Variants in ITGB6 observed in about 807,000 individuals in gnomAD.
The protein encoded by ITGB6 is integrin subunit beta 6.
A neutral mutation model predicts 84.5 loss-of-function variants in ITGB6; 80 were observed. The ratio of observed to expected loss-of-function variants is 0.95; its 90% confidence interval spans 0.79 to 1.14. The LOEUF (loss-of-function observed/expected upper bound fraction) is 1.14, where lower values mean the gene tolerates loss of function less well. Among genes scored for constraint, ITGB6 ranks in the 50% most tolerant of loss-of-function variants. The pLI, the probability that ITGB6 is intolerant of heterozygous loss-of-function variation, is 0.00. For missense variants in ITGB6, 1,006 were observed against 968.0 expected, an observed-to-expected ratio of 1.04 and a Z score of -0.52; for synonymous variants, 383 against 354.9, an observed-to-expected ratio of 1.08 and a Z score of -0.89.
chr2:160,190,056 A>C (rs56659406), intron 4 of ITGB6, among the ~76,000 whole-genome samples: 3 of 152,038 alleles, frequency 2.0e-5, no homozygotes, highest in Non-Finnish European at 4.4e-5. Flanking sequence ...CCTTTGTAGG[A>C]ACATGAATGA....
In ITGB6 at chr2:160,101,837, G is replaced by T; in HGVS notation, c.2269-3C>A. 7.9e-7 allele frequency: 1 copy of T among 1,269,266 alleles called. No individual in the cohort carries two copies. The highest frequency in any genetic ancestry group is 1.9e-4 in the Middle Eastern group (1 of 5,262). The allele number at this position is 1,269,266 out of a possible 1,614,324, so 78.6% of individuals were successfully genotyped here. A position where few individuals can be genotyped will look rare whatever the true frequency, so the allele number is the denominator to read the frequency against. On this transcript the variant is annotated splice_polypyrimidine_tract_variant and splice_region_variant and intron_variant, in intron 14 of 14. Coordinates refer to ENST00000283249, the MANE Select transcript of ITGB6 (RefSeq NM_000888.5). ...CCTCTGTAGAGTGGATTGGTTCCCT[G>T]GAAAAAAAAAAAAGATTCAAGTGAA...
intron 12 of ITGB6, among the ~76,000 whole-genome samples, chr2:160,116,939 G>A (rs970110809): frequency 6.6e-6 from 1 of 151,144 alleles, no homozygotes; most frequent in African/African-American, 2.4e-5. Context: ...AATGGTAAAG[G>A]GATCAATTCA....
intron 7 of ITGB6, among the ~76,000 whole-genome samples, chr2:160,151,153 C>T (rs898991657): frequency 2.0e-5 from 3 of 152,154 alleles, no homozygotes; most frequent in African/African-American, 7.2e-5. Context: ...TTCTTCTCAG[C>T]ACCACATTGC....
intron 6 of ITGB6, among the ~76,000 whole-genome samples, chr2:160,170,477 G>T (rs745734237): frequency 3.9e-5 from 6 of 152,136 alleles, no homozygotes; most frequent in Non-Finnish European, 8.8e-5. Flanking sequence ...AATCCCTCCA[G>T]TGCCAGTCCC....
chr2:160,151,283 T>C (rs1684406249), intron 7 of ITGB6, among the ~76,000 whole-genome samples: 2 of 152,296 alleles, frequency 1.3e-5, no homozygotes, highest in African/African-American at 4.8e-5. Context: ...AACTCAGGAT[T>C]AAGAAACTCA....
At chr2:160,146,863 G>A (rs2105831617) in intron 7 of ITGB6, among the ~76,000 whole-genome samples, 1 of 152,290 alleles carries the variant, frequency 6.6e-6, no homozygotes, top group Middle Eastern at 3.4e-3. Context: ...CACTTTGGGA[G>A]GCTGAGGTGG....
At chr2:160,132,057 G>A (rs1412515832) in intron 10 of ITGB6, among the ~76,000 whole-genome samples, 1 of 152,102 alleles carries the variant, frequency 6.6e-6, no homozygotes, top group Non-Finnish European at 1.5e-5. Context: ...TTTTTGAAAG[G>A]TAATTTCAAG....
Position 160,169,238 on chromosome 2 carries a change from T to C in ITGB6, c.991A>G (p.Thr331Ala). The C allele has an allele frequency of 1.2e-6, 2 of 1,604,110 alleles. No individual in the cohort carries two copies. Among genetic ancestry groups the C allele is most frequent in the Non-Finnish European group, 1.7e-6 (2 of 1,176,042 alleles). ...TCATATAAATGAACTTGTTCTTGGG[T>C]TACAGCGAAGATCAATAACACGTTG... ...QNNVLLIFAVTQEQVHLYENY... is the reference protein window; with the variant it reads ...QNNVLLIFAVAQEQVHLYENY... The change falls in exon 7 of 15, where the codon ACC becomes GCC. Residue 331 changes from threonine to alanine, a missense_variant. Thr to Ala is a moderately conservative substitution (Grantham distance 58). Coordinates refer to ENST00000283249, the MANE Select transcript of ITGB6 (RefSeq NM_000888.5).
intron 7 of ITGB6, among the ~76,000 whole-genome samples, chr2:160,161,879 A>G (rs1422239108): frequency 2.0e-5 from 3 of 152,204 alleles, no homozygotes; most frequent in Non-Finnish European, 4.4e-5. Flanking sequence ...TGACCCAAGG[A>G]TTTCACTTCT....
At chr2:160,195,271 G>T in intron 4 of ITGB6, 98 bp downstream of exon 4, 1 of 1,467,712 alleles carries the variant, frequency 6.8e-7, no homozygotes, top group Non-Finnish European at 9.4e-7. Flanking sequence ...AGGCAGAAAT[G>T]CCAGGGAGTT....
chr2:160,174,112 T>C lies in ITGB6; in HGVS notation c.621A>G (p.Thr207=). 6.2e-7 allele frequency: 1 copy of C among 1,610,704 alleles called. No homozygotes were observed. Reference sequence around the variant, plus strand: ...ATGGCAAAATGTGCTTGAATCCAAATGTAGGTAAACAGAAGTATGGAATAC... The same window carrying C: ...ATGGCAAAATGTGCTTGAATCCAAACGTAGGTAAACAGAAGTATGGAATAC... The part of the protein sequence containing the change: ...CSSIPYFCLP[T]FGFKHILPLT... Residue 207 remains threonine (T), a synonymous_variant, in exon 5 of 15, where the codon ACA becomes ACG. Coordinates refer to ENST00000283249, the MANE Select transcript of ITGB6 (RefSeq NM_000888.5).
At chr2:160,119,355 A>G (rs1469875483) in intron 12 of ITGB6, among the ~76,000 whole-genome samples, 1 of 152,150 alleles carries the variant, frequency 6.6e-6, no homozygotes, top group Non-Finnish European at 1.5e-5. Context: ...CCTCAGAAAT[A>G]ATGCCGCATA....
At chr2:160,129,038 G>A (rs10497210) in intron 10 of ITGB6, among the ~76,000 whole-genome samples, 23,405 of 151,934 alleles carry the variant, frequency 0.15, 2,418 homozygotes, top group Non-Finnish European at 0.24. Flanking sequence ...AGAGCTTCAG[G>A]ACTTAAAATG....
intron 7 of ITGB6, among the ~76,000 whole-genome samples, chr2:160,150,069 A>T (rs1684351631): frequency 5.9e-5 from 9 of 152,216 alleles, no homozygotes; most frequent in Admixed American, 5.9e-4. Flanking sequence ...CCAACATAGC[A>T]AGGTAGGCCA....
At chr2:160,171,787 T>C (rs554461467) in intron 6 of ITGB6, among the ~76,000 whole-genome samples, 1 of 152,302 alleles carries the variant, frequency 6.6e-6, no homozygotes, top group South Asian at 2.1e-4. Context: ...CAAGAACACA[T>C]CTGCGTATGC....
chr2:160,135,217 C>G (rs75152083), intron 10 of ITGB6, among the ~76,000 whole-genome samples: 93,982 of 144,406 alleles, frequency 0.65, 30,489 homozygotes, highest in Admixed American at 0.71. Context: ...TCTCAGGATA[C>G]AAAATCAATG....
At chr2:160,152,174 T>A (rs927632342) in intron 7 of ITGB6, among the ~76,000 whole-genome samples, 1 of 152,214 alleles carries the variant, frequency 6.6e-6, no homozygotes. Flanking sequence ...ATATCTCTGA[T>A]GATCATCAGT....
intron 7 of ITGB6, among the ~76,000 whole-genome samples, chr2:160,156,449 C>T (rs1274068691): frequency 1.3e-5 from 2 of 152,128 alleles, no homozygotes; most frequent in Non-Finnish European, 2.9e-5. Flanking sequence ...CCAAGGCTCT[C>T]GAAGAGACCT....
In ITGB6 at chr2:160,170,979, A is replaced by G. The variant is rs910645708; in HGVS notation, c.921+1590T>C. ...ACTGACTAAAAGACAACATGCGGCT[A>G]TCCTCACTGATATTGTAATATGAAA... On this transcript the variant is annotated intron_variant, in intron 6 of 14. Transcript: ENST00000283249. 5.9e-4 allele frequency among the ~76,000 whole-genome samples: 90 copies of G among 152,304 alleles called. 1 individual carries two copies. Among genetic ancestry groups the G allele is most frequent in the Non-Finnish European group, 1.1e-3 (76 of 68,016 alleles).
Sources: gnomAD v4.1 joint callset for allele counts (sites outside exome capture counted in the v4.1 genomes callset) on GRCh38, gnomAD v4.1.1 for gene constraint, MANE v1.5 for transcripts, NCBI Gene and HGNC (gene_info 2026-07-23, HGNC 2026-07-21) for gene names.